The following ASZ1 variants were observed in gnomAD, a reference collection of about 807,000 sequenced individuals.
The protein encoded by ASZ1 is ankyrin repeat, SAM and basic leucine zipper domain containing 1.
In ASZ1, 67 loss-of-function variants were observed where a neutral mutation model predicts 61.8. The observed-to-expected ratio is 1.08, with a 90% confidence interval of 0.89 to 1.33. The LOEUF is 1.33. Among genes scored for constraint, ASZ1 ranks in the 40% most tolerant of loss-of-function variants. The probability of loss-of-function intolerance (pLI) is 0.00; values close to 1 mark genes in which losing one functional copy is unlikely to be tolerated. For missense variants in ASZ1, 577 were observed against 554.5 expected (o/e 1.04, Z -0.41); for synonymous variants, 193 against 192.7 (o/e 1.00, Z -0.01).
intron 4 of ASZ1, among the ~76,000 whole-genome samples, chr7:117,408,131 T>C (rs1238878322): frequency 2.6e-5 from 4 of 152,104 alleles, no homozygotes; most frequent in Non-Finnish European, 5.9e-5. Context: ...CTCCAGTCTC[T>C]CTCCTCTCTC....
At chr7:117,375,359 G>A (rs1202690415) in intron 10 of ASZ1, among the ~76,000 whole-genome samples, 1 of 151,966 alleles carries the variant, frequency 6.6e-6, no homozygotes, top group East Asian at 1.9e-4. Flanking sequence ...GCCTAACAGT[G>A]CTAGCTTTCC....
chr7:117,395,245 T>C (rs1796555040), intron 4 of ASZ1, among the ~76,000 whole-genome samples: 1 of 152,196 alleles, frequency 6.6e-6, no homozygotes, highest in Non-Finnish European at 1.5e-5. Context: ...ATCAAAATAT[T>C]TTAATAGCTT....
At chr7:117,368,402 C>A in intron 11 of ASZ1, 1 of 1,224,852 alleles carries the variant, frequency 8.2e-7, no homozygotes. Flanking sequence ...GACTCATTTT[C>A]TTTTTCTTGA....
chr7:117,380,219 T>C (rs1404097230), intron 9 of ASZ1, among the ~76,000 whole-genome samples, 172 bp from the exon 10 acceptor site: 2 of 151,862 alleles, frequency 1.3e-5, no homozygotes, highest in African/African-American at 4.8e-5. Flanking sequence ...TGATTGATGT[T>C]AGTTACAGCA....
At chr7:117,364,056 T>C (rs1795881752) in intron 12 of ASZ1, among the ~76,000 whole-genome samples, 1 of 152,230 alleles carries the variant, frequency 6.6e-6, no homozygotes. Context: ...AGTTTCTGTT[T>C]TACTTATAAG....
chr7:117,393,801 C>T (rs1039479574), intron 4 of ASZ1, among the ~76,000 whole-genome samples: 4 of 152,010 alleles, frequency 2.6e-5, no homozygotes, highest in African/African-American at 9.7e-5. Context: ...GTTTCCATGT[C>T]TCCTTGGACA....
At chr7:117,420,368 A>G (rs1248381526) in intron 3 of ASZ1, 94 bp from the exon 4 acceptor site, 5 of 799,314 alleles carry the variant, frequency 6.3e-6, no homozygotes, top group Non-Finnish European at 9.7e-6. Context: ...ATTGCACTCT[A>G]AAACTCTATA....
At chr7:117,379,033 GAGA>G (rs1452963326) in intron 10 of ASZ1, among the ~76,000 whole-genome samples, 5 of 150,842 alleles carry the variant, frequency 3.3e-5, no homozygotes, top group African/African-American at 1.2e-4. Context: ...TTGGGATGGG[GAGA>G]AGGTTAGATG....
intron 4 of ASZ1, among the ~76,000 whole-genome samples, chr7:117,386,984 A>G (rs1014788422): frequency 6.6e-6 from 1 of 151,828 alleles, no homozygotes; most frequent in Non-Finnish European, 1.5e-5. Flanking sequence ...AATTTCCTGG[A>G]TAACTTAAGC....
At chr7:117,395,453 TAAA>T (rs1379717030) in intron 4 of ASZ1, among the ~76,000 whole-genome samples, 1 of 152,124 alleles carries the variant, frequency 6.6e-6, no homozygotes, top group African/African-American at 2.4e-5. Context: ...TTTAGATTTT[TAAA>T]AATGTCTTTT....
intron 10 of ASZ1, among the ~76,000 whole-genome samples, chr7:117,372,069 T>C (rs562494905): frequency 6.6e-5 from 10 of 152,328 alleles, no homozygotes; most frequent in East Asian, 5.8e-4. Context: ...ATTTACACTA[T>C]GTGAATGGTG....
intron 2 of ASZ1, among the ~76,000 whole-genome samples, chr7:117,425,515 G>A (rs558861305): frequency 2.6e-5 from 4 of 151,858 alleles, no homozygotes; most frequent in African/African-American, 4.8e-5. Context: ...TGATCCGCCC[G>A]CCTTGGACTC....
intron 4 of ASZ1, among the ~76,000 whole-genome samples, chr7:117,392,888 C>A (rs1218037097): frequency 2.0e-5 from 3 of 150,402 alleles, no homozygotes; most frequent in Non-Finnish European, 4.4e-5. Flanking sequence ...ACTCTGTTGC[C>A]CAGGCTGGAG....
At chr7:117,368,203 G>T in intron 11 of ASZ1, 1 of 933,896 alleles carries the variant, frequency 1.1e-6, no homozygotes, top group Non-Finnish European at 1.3e-6. Context: ...TTGGGATTAC[G>T]GATGTGAGCC....
intron 1 of ASZ1, among the ~76,000 whole-genome samples, 193 bp from the exon 2 acceptor site, chr7:117,427,128 A>G (rs376224605): frequency 6.6e-6 from 1 of 152,200 alleles, no homozygotes; most frequent in Non-Finnish European, 1.5e-5. Context: ...TCCAAACCCA[A>G]CTGAGGAGTT....
At chr7:117,404,593 G>T (rs1259856536) in intron 4 of ASZ1, among the ~76,000 whole-genome samples, 1 of 152,058 alleles carries the variant, frequency 6.6e-6, no homozygotes, top group Non-Finnish European at 1.5e-5. Flanking sequence ...GTCAACTGCA[G>T]AATTCTCTTT....
chr7:117,425,884 G>A (rs992806691), intron 2 of ASZ1, among the ~76,000 whole-genome samples: 5 of 151,962 alleles, frequency 3.3e-5, no homozygotes, highest in Non-Finnish European at 7.4e-5. Flanking sequence ...CGGCTACTCC[G>A]GAGGCTGAGG....
intron 4 of ASZ1, among the ~76,000 whole-genome samples, chr7:117,391,255 T>C (rs1305516606): frequency 1.3e-5 from 2 of 152,132 alleles, no homozygotes; most frequent in African/African-American, 2.4e-5. Context: ...TTGCAAATAT[T>C]TTCTCCCATT....
chr7:117,408,665 AC>A (rs1796837461), intron 4 of ASZ1, among the ~76,000 whole-genome samples: 1 of 152,190 alleles, frequency 6.6e-6, no homozygotes, highest in Non-Finnish European at 1.5e-5. Context: ...AAACATTAGA[AC>A]ATTTCTCAGC....
Sources: allele counts gnomAD v4.1 joint callset (sites outside exome capture counted in the v4.1 genomes callset), GRCh38; gene constraint gnomAD v4.1.1; transcripts MANE v1.5; gene names NCBI Gene and HGNC (gene_info 2026-07-23, HGNC 2026-07-21).